Variants in LRP1B observed in about 807,000 individuals in gnomAD.
LRP1B encodes the protein low-density lipoprotein receptor-related protein 1B.
Under a neutral mutation model 556.6 loss-of-function variants are expected in LRP1B, and 217 were observed. The ratio of observed to expected loss-of-function variants is 0.39; its 90% CI spans 0.35 to 0.44. The LOEUF (loss-of-function observed/expected upper bound fraction) is 0.44. LRP1B is among the 20% of genes least tolerant of loss of function. The pLI, the probability that LRP1B is intolerant of heterozygous loss-of-function variation, is 1.00. For missense variants in LRP1B, 5,053 were observed against 5,620.8 expected (o/e 0.90, Z 3.23); for synonymous variants, 2,047 against 1,865.8 (o/e 1.10, Z -2.50).
chr2:141,113,444 A>G (rs1222385886), intron 7 of LRP1B, among the ~76,000 whole-genome samples: 2 of 152,204 alleles, frequency 1.3e-5, no homozygotes, highest in African/African-American at 2.4e-5. Flanking sequence ...AGGTTCTTTT[A>G]AATAACAATT....
chr2:141,442,355 T>A (rs1389290274), intron 3 of LRP1B, among the ~76,000 whole-genome samples: 1 of 151,980 alleles, frequency 6.6e-6, no homozygotes, highest in African/African-American at 2.4e-5. Flanking sequence ...TAACAAAAAT[T>A]CATGTAAAAA....
chr2:141,174,722 G>A (rs976713555), intron 7 of LRP1B, among the ~76,000 whole-genome samples: 1 of 152,042 alleles, frequency 6.6e-6, no homozygotes, highest in Non-Finnish European at 1.5e-5. Flanking sequence ...TTGGTACAGG[G>A]GCACTGCTAC....
At chr2:141,176,134 C>T (rs745796021) in intron 7 of LRP1B, among the ~76,000 whole-genome samples, 2 of 152,008 alleles carry the variant, frequency 1.3e-5, no homozygotes, top group Admixed American at 1.3e-4. Context: ...AAGGGACTTT[C>T]CTTGTCTCAG....
intron 7 of LRP1B, among the ~76,000 whole-genome samples, chr2:141,121,160 A>G (rs932704865): frequency 5.9e-5 from 9 of 152,024 alleles, no homozygotes; most frequent in Admixed American, 1.3e-4. Context: ...TGAAATGAAA[A>G]AATTAAGAGT....
chr2:141,194,825 C>G (rs1156602483), intron 6 of LRP1B, among the ~76,000 whole-genome samples: 1 of 151,934 alleles, frequency 6.6e-6, no homozygotes, highest in Non-Finnish European at 1.5e-5. Context: ...TATTAAAAAT[C>G]CAGGATAGTG....
intron 1 of LRP1B, among the ~76,000 whole-genome samples, chr2:142,059,904 T>C (rs1441517322): frequency 6.6e-6 from 1 of 152,088 alleles, no homozygotes; most frequent in African/African-American, 2.4e-5. Flanking sequence ...GTTAAGTACA[T>C]AGTTGAATAA....
intron 7 of LRP1B, among the ~76,000 whole-genome samples, chr2:141,104,596 T>C (rs1000631645): frequency 6.6e-6 from 1 of 152,118 alleles, no homozygotes; most frequent in African/African-American, 2.4e-5. Flanking sequence ...GTTCAGGTTT[T>C]ATTTGGTCTA....
At chr2:140,719,179 T>C (rs1272774699) in intron 35 of LRP1B, among the ~76,000 whole-genome samples, 1 of 152,060 alleles carries the variant, frequency 6.6e-6, no homozygotes, top group Non-Finnish European at 1.5e-5. Context: ...AAAGTAAGCA[T>C]TTAGTGAGTA....
intron 7 of LRP1B, among the ~76,000 whole-genome samples, chr2:141,102,845 T>C (rs77906960): frequency 0.027 from 4,155 of 152,170 alleles, 66 homozygotes; most frequent in Non-Finnish European, 0.037. Context: ...ATTGAAAATA[T>C]GATAATAAAA....
chr2:141,540,332 A>T (rs1387777573), intron 2 of LRP1B, among the ~76,000 whole-genome samples: 2 of 151,998 alleles, frequency 1.3e-5, no homozygotes, highest in Non-Finnish European at 2.9e-5. Context: ...ACACCCTCAT[A>T]TTGACCGACA....
intron 62 of LRP1B, among the ~76,000 whole-genome samples, chr2:140,452,570 ATGT>A (rs1379377283): frequency 6.6e-6 from 1 of 152,108 alleles, no homozygotes; most frequent in African/African-American, 2.4e-5. Flanking sequence ...AGAAGTGTTT[ATGT>A]TGTTATTCCC....
intron 3 of LRP1B, among the ~76,000 whole-genome samples, chr2:141,366,113 C>A (rs977406037): frequency 2.6e-5 from 4 of 152,190 alleles, no homozygotes; most frequent in Admixed American, 6.5e-5. Flanking sequence ...GTTTTTCACA[C>A]TGCTGCAACA....
chr2:140,314,357 G>T (rs1684428805), intron 83 of LRP1B, among the ~76,000 whole-genome samples: 1 of 151,904 alleles, frequency 6.6e-6, no homozygotes, highest in South Asian at 2.1e-4. Flanking sequence ...TTTATGTGCT[G>T]TACAGAACAC....
chr2:141,916,321 T>C (rs1302044118), intron 1 of LRP1B, among the ~76,000 whole-genome samples: 1 of 149,804 alleles, frequency 6.7e-6, no homozygotes, highest in Non-Finnish European at 1.5e-5. Flanking sequence ...AACACAGGAA[T>C]AGAAAACCAA....
chr2:141,757,150 A>C (rs916173918), intron 2 of LRP1B, among the ~76,000 whole-genome samples: 5 of 152,302 alleles, frequency 3.3e-5, no homozygotes, highest in African/African-American at 1.2e-4. Context: ...TAAATGATAG[A>C]TGAAAAGCAG....
intron 3 of LRP1B, among the ~76,000 whole-genome samples, chr2:141,414,978 C>T (rs1691031954): frequency 6.6e-6 from 1 of 152,120 alleles, no homozygotes; most frequent in African/African-American, 2.4e-5. Context: ...AGCTGAACAG[C>T]CTCTCACAGC....
At chr2:141,018,554 A>G (rs1697975022) in intron 12 of LRP1B, among the ~76,000 whole-genome samples, 1 of 152,198 alleles carries the variant, frequency 6.6e-6, no homozygotes, top group East Asian at 1.9e-4. Context: ...GTGGGCTCTG[A>G]ATTTTCTTCT....
chr2:141,276,351 G>A (rs1373176779), intron 3 of LRP1B, among the ~76,000 whole-genome samples: 1 of 151,770 alleles, frequency 6.6e-6, no homozygotes, highest in Non-Finnish European at 1.5e-5. Context: ...ATATAGGTAA[G>A]TTGTGTGTCA....
chr2:140,728,749 G>A (rs975607970), intron 35 of LRP1B, among the ~76,000 whole-genome samples: 1 of 152,074 alleles, frequency 6.6e-6, no homozygotes, highest in African/African-American at 2.4e-5. Flanking sequence ...GAGGGATGTA[G>A]CATAATGACT....
Sources: gnomAD v4.1 joint callset for allele counts (sites outside exome capture counted in the v4.1 genomes callset) on GRCh38, gnomAD v4.1.1 for gene constraint, MANE v1.5 for transcripts, NCBI Gene and HGNC (gene_info 2026-07-23, HGNC 2026-07-21) for gene names.